STK3: variants seen among roughly 807,000 people sequenced by gnomAD.
STK3 encodes serine/threonine-protein kinase 3.
In STK3, 41 loss-of-function variants were observed where a neutral mutation model predicts 58.0. That is an observed-to-expected ratio of 0.71 (90% CI 0.55 to 0.92). The LOEUF (loss-of-function observed/expected upper bound fraction) is 0.92, where lower values mean the gene tolerates loss of function less well. Ranked by LOEUF, STK3 falls within the 40% of genes least tolerant of loss-of-function variation. The probability of loss-of-function intolerance (pLI) is 0.00; values close to 1 mark genes in which losing one functional copy is unlikely to be tolerated. For missense variants in STK3, 479 were observed against 602.7 expected, an observed-to-expected ratio of 0.79 and a Z score of 2.15; for synonymous variants, 170 against 191.0, an observed-to-expected ratio of 0.89 and a Z score of 0.91.
intron 10 of STK3, among the ~76,000 whole-genome samples, chr8:98,469,102 C>T (rs1448654246): frequency 7.3e-6 from 1 of 136,894 alleles, no homozygotes; most frequent in Non-Finnish European, 1.6e-5. Context: ...AGTGAGACTC[C>T]ATCTTTAAAA....
intron 6 of STK3, among the ~76,000 whole-genome samples, chr8:98,687,681 C>T (rs917422311): frequency 1.3e-5 from 2 of 152,152 alleles, no homozygotes; most frequent in African/African-American, 4.8e-5. Flanking sequence ...CCAAACTAAG[C>T]TTCATAAATG....
In STK3 at chr8:98,685,723, T is replaced by C. The variant is rs143596542; in HGVS notation, c.684+20744A>G. On this transcript the variant is annotated intron_variant, in intron 6 of 10. Coordinates refer to ENST00000419617, the MANE Select transcript of STK3 (RefSeq NM_006281.4). Reference sequence around the variant, plus strand: ...TTGGATGATGTGAAAGTACGGTTAATAGAATCAAGGTATCACCTAAAATAG... The same window carrying C: ...TTGGATGATGTGAAAGTACGGTTAACAGAATCAAGGTATCACCTAAAATAG... Among the ~76,000 whole-genome samples, 14 of 151,582 alleles carry C rather than the reference T, an allele frequency of 9.2e-5. No homozygotes were observed. The East Asian group carries it at 2.3e-3, about 25-fold the overall frequency.
chr8:98,462,149 C>A (rs966180193), intron 10 of STK3, among the ~76,000 whole-genome samples: 3 of 152,040 alleles, frequency 2.0e-5, no homozygotes, highest in Non-Finnish European at 4.4e-5. Context: ...ACTATAGTAA[C>A]CCTGTTGTGC....
intron 6 of STK3, chr8:98,597,509 C>T: frequency 1.0e-6 from 1 of 985,310 alleles, no homozygotes. Context: ...ATTTATAAAG[C>T]ATTTCTGTGT....
intron 8 of STK3, among the ~76,000 whole-genome samples, chr8:98,574,685 A>G (rs1813246538): frequency 6.6e-6 from 1 of 152,212 alleles, no homozygotes; most frequent in African/African-American, 2.4e-5. Context: ...GCACGAAATG[A>G]AAAGAGGGCT....
At chr8:98,601,204 G>T (rs1202773500) in intron 6 of STK3, among the ~76,000 whole-genome samples, 2 of 151,938 alleles carry the variant, frequency 1.3e-5, no homozygotes, top group Non-Finnish European at 2.9e-5. Context: ...ATATTTAAAA[G>T]TATTTAAAAA....
At chr8:98,363,366 G>A in the STK3 span, among the ~76,000 whole-genome samples, 7 of 152,046 alleles carry the variant, frequency 4.6e-5, no homozygotes, top group Admixed American at 3.9e-4. Context: ...AAATCACTTC[G>A]CAGAATAACA....
chr8:98,757,730 T>C (rs1830382872), intron 3 of STK3, among the ~76,000 whole-genome samples: 1 of 151,482 alleles, frequency 6.6e-6, no homozygotes, highest in South Asian at 2.1e-4. Context: ...TTTTAAGTAA[T>C]TCAAACAACA....
intron 10 of STK3, among the ~76,000 whole-genome samples, chr8:98,513,686 G>A (rs540585816): frequency 2.3e-4 from 35 of 152,196 alleles, no homozygotes; most frequent in African/African-American, 7.2e-4. Context: ...TGGGTGGGGC[G>A]GGGGAGAAGT....
chr8:98,377,901 G>T (rs1164549237), intron 2 of STK3, among the ~76,000 whole-genome samples: 1 of 152,140 alleles, frequency 6.6e-6, no homozygotes, highest in Non-Finnish European at 1.5e-5. Context: ...CAGCTAGTAA[G>T]GTTGAAGCTC....
Position 98,455,880 on chromosome 8 carries a change from C to T in STK3, c.1438G>A (p.Ala480Thr), listed in dbSNP as rs1484388193. ...TGCCTTCTTTTCTTTGCATCCATCG[C>T]ATCCAGAATGGGCTGTCTTTTCGCA... ...YTAKRQPILD[A>T]MDAKKRRQQN... Residue 480 changes from alanine (A) to threonine (T), a missense_variant, in exon 11 of 11, where the codon GCG (alanine) becomes ACG (threonine). Physicochemically the swap from Ala to Thr is moderately conservative, Grantham distance 58 (BLOSUM62 0). Around this residue, in one of 3 missense-constraint regions of STK3, gnomAD observed 309 missense variants for 355.7 expected, o/e 0.87. Coordinates refer to ENST00000419617, the MANE Select transcript of STK3 (RefSeq NM_006281.4). 2 of 1,613,644 alleles carry T rather than the reference C, an allele frequency of 1.2e-6. No homozygotes were observed. Among genetic ancestry groups the T allele is most frequent in the Admixed American group, 1.7e-5 (1 of 59,950 alleles).
At chr8:98,699,903 C>T (rs528659694) in intron 6 of STK3, among the ~76,000 whole-genome samples, 31 of 152,300 alleles carry the variant, frequency 2.0e-4, no homozygotes, top group African/African-American at 7.0e-4. Context: ...AGCTGTCAGA[C>T]AGGGACATTT....
At chr8:98,918,487 A>G (rs964928607) in intron 1 of STK3, among the ~76,000 whole-genome samples, 1 of 152,200 alleles carries the variant, frequency 6.6e-6, no homozygotes, top group African/African-American at 2.4e-5. Context: ...GTAGAAAAGA[A>G]GATCGGGTGT....
chr8:98,779,695 A>G (rs1303998383), intron 1 of STK3, among the ~76,000 whole-genome samples: 2 of 152,210 alleles, frequency 1.3e-5, no homozygotes, highest in African/African-American at 4.8e-5. Flanking sequence ...TATGGTCCCA[A>G]GCATCTCAGA....
chr8:98,681,545 T>C (rs969068140), intron 6 of STK3, among the ~76,000 whole-genome samples: 1 of 152,188 alleles, frequency 6.6e-6, no homozygotes, highest in Non-Finnish European at 1.5e-5. Context: ...ATGAACTGTA[T>C]AAAAATAATA....
At chr8:98,611,252 T>G (rs1250712753) in intron 6 of STK3, among the ~76,000 whole-genome samples, 4 of 151,980 alleles carry the variant, frequency 2.6e-5, no homozygotes, top group Non-Finnish European at 5.9e-5. Context: ...TAGAAGTCAA[T>G]GTAAATTAGG....
At chr8:98,905,213 A>G in intron 1 of STK3, 1 of 938,008 alleles carries the variant, frequency 1.1e-6, no homozygotes, top group Admixed American at 1.7e-5. Flanking sequence ...GGGCAGTCCG[A>G]AGTCGGGCTT....
the STK3 span, among the ~76,000 whole-genome samples, chr8:98,356,279 G>A: frequency 6.6e-6 from 1 of 152,206 alleles, no homozygotes; most frequent in Non-Finnish European, 1.5e-5. Context: ...GCATCAAGGA[G>A]CAATAAAGTT....
intron 1 of STK3, among the ~76,000 whole-genome samples, chr8:98,906,068 C>T (rs1036227180): frequency 5.9e-5 from 9 of 152,134 alleles, no homozygotes; most frequent in South Asian, 2.1e-4. Context: ...TCATTATGCA[C>T]GGAGAAACCT....
Sources: gnomAD v4.1 joint callset for allele counts (sites outside exome capture counted in the v4.1 genomes callset) on GRCh38, gnomAD v4.1.1 for gene constraint, gnomAD v4.1.1 regional missense constraint, MANE v1.5 for transcripts, NCBI Gene and HGNC (gene_info 2026-07-23, HGNC 2026-07-21) for gene names.